EXPH5: variants seen among roughly 807,000 people sequenced by gnomAD.
EXPH5 encodes exophilin 5.
In EXPH5, 42 loss-of-function variants were observed where a neutral mutation model predicts 41.1. The ratio of observed to expected loss-of-function variants is 1.02; its 90% confidence interval spans 0.80 to 1.32. The LOEUF is 1.32. EXPH5 is among the 40% of genes most tolerant of loss of function. EXPH5 has a pLI of 0.00. For missense variants in EXPH5, 2,298 were observed against 2,314.5 expected, an observed-to-expected ratio of 0.99 and a Z score of 0.15; for synonymous variants, 798 against 833.5, an observed-to-expected ratio of 0.96 and a Z score of 0.73.
At chr11:108,551,540 C>G (rs180837338) in intron 1 of EXPH5, among the ~76,000 whole-genome samples, 4 of 152,146 alleles carry the variant, frequency 2.6e-5, no homozygotes, top group Non-Finnish European at 5.9e-5. Flanking sequence ...TTCTCCTTCA[C>G]TTTTCTTACT....
chr11:108,547,133 GACA>G, intron 1 of EXPH5, among the ~76,000 whole-genome samples: 1 of 151,992 alleles, frequency 6.6e-6, no homozygotes, highest in Non-Finnish European at 1.5e-5. Context: ...GCCTCTGCCA[GACA>G]CTAAAGTAGA....
At chr11:108,562,156 C>T (rs1390732630) in intron 1 of EXPH5, among the ~76,000 whole-genome samples, 1 of 151,744 alleles carries the variant, frequency 6.6e-6, no homozygotes, top group Admixed American at 6.6e-5. Context: ...CAGCCATAAG[C>T]AGCATGTAGG....
upstream of EXPH5, among the ~76,000 whole-genome samples, chr11:108,593,907 A>T (rs189009055): frequency 0.047 from 5,956 of 127,744 alleles, 119 homozygotes; most frequent in Middle Eastern, 0.062. Context: ...CCCGCCCCCT[A>T]TCTGAGTTGT....
chr11:108,527,453 T>A (rs574295011), intron 4 of EXPH5, among the ~76,000 whole-genome samples: 1 of 152,120 alleles, frequency 6.6e-6, no homozygotes, highest in Non-Finnish European at 1.5e-5. Context: ...AAGGCTTCGA[T>A]CCACTGATAA....
At position 108,593,735 on chromosome 11, in the gene EXPH5, T is replaced by C. The variant is rs1591766677; in HGVS notation, c.-199A>G. 7 of 1,536,974 alleles carry C rather than the reference T, an allele frequency of 4.6e-6. No individual in the cohort carries two copies. The highest frequency in any genetic ancestry group is 6.1e-6 in the Non-Finnish European group (7 of 1,147,074). ...ATATTGACAATACCTTAATGACATG[T>C]TTCTCTCAACCTGTCCAACCGAGAT... On this transcript the variant is annotated 5_prime_UTR_variant, in exon 1 of 6. Coordinates refer to ENST00000265843, the MANE Select transcript of EXPH5 (RefSeq NM_015065.3).
In EXPH5 at chr11:108,509,676, T is replaced by A. The variant is rs1272531597; in HGVS notation, c.5831A>T (p.Gln1944Leu). ...ESLSSNSPSS[Q>L]VPEDGLSPSE... ...TGGAGATAAGCCATCTTCTGGCACCTGACTACTGGGAGAATTTGAGCTTAA... is the reference window on the plus strand; with the variant it reads ...TGGAGATAAGCCATCTTCTGGCACCAGACTACTGGGAGAATTTGAGCTTAA... Residue 1944 changes from glutamine (Q) to leucine (L), a missense_variant, in exon 6 of 6, where the codon CAG becomes CTG. Transcript: ENST00000265843. 4 of 1,613,936 alleles carry A rather than the reference T, an allele frequency of 2.5e-6. No individual in the cohort carries two copies. The South Asian group carries it at 4.4e-5, about 18-fold the overall frequency.
At position 108,517,493 on chromosome 11, in the gene EXPH5, G is replaced by A. The variant is rs1296342859; in HGVS notation, c.631+742C>T. Among the ~76,000 whole-genome samples the A allele has an allele frequency of 4.6e-5, 7 of 152,330 alleles. No homozygotes were observed. In the South Asian group the frequency reaches 1.4e-3, roughly 32 times the overall value. On this transcript the variant is annotated intron_variant, in intron 5 of 5. Coordinates refer to ENST00000265843, the MANE Select transcript of EXPH5 (RefSeq NM_015065.3). The stretch of plus-strand genomic sequence containing the variant: ...AAATGAAGTTCCTCAAAGTGAAGCT[G>A]GTGGCGACTTCAGAGTTAACTTTTC...
Position 108,514,021 on chromosome 11 carries a change from T to C in EXPH5, c.1486A>G (p.Ser496Gly). Residue 496 changes from serine (S) to glycine (G), a missense_variant, in exon 6 of 6, where the codon AGC (serine) becomes GGC (glycine). Transcript: ENST00000265843. ...GHSFWSDFHR[S>G]RKSFSSSDRD... ...TCAGAAGAACTGAATGATTTCCTGC[T>C]TCGATGAAAGTCAGACCAGAAAGAA... The C allele has an allele frequency of 6.2e-7, 1 of 1,614,024 alleles. No individual in the cohort carries two copies. The highest frequency in any genetic ancestry group is 1.1e-5 in the South Asian group (1 of 91,032).
chr11:108,541,654 T>C lies in EXPH5; in HGVS notation c.278A>G (p.Asn93Ser). 1 of 1,593,396 alleles carries C rather than the reference T, an allele frequency of 6.3e-7. No individual in the cohort carries two copies. The highest frequency in any genetic ancestry group is 8.5e-7 in the Non-Finnish European group (1 of 1,170,234). Residue 93 changes from asparagine (N) to serine (S), a missense_variant and splice_region_variant, in exon 2 of 6, where the codon AAT (asparagine) becomes AGT (serine). By Grantham distance (46) the Asn-to-Ser change is conservative. Transcript: ENST00000265843. ...TYRLSKEMAK[N>S]DPIELPTSRS... ...TAAATCTAAAATCTTTTTCTTACCA[T>C]TTTTTGCCATCTCCTTACTTAGCCT...
upstream of EXPH5, among the ~76,000 whole-genome samples, chr11:108,595,105 G>C (rs1591767482): frequency 6.6e-6 from 1 of 152,182 alleles, no homozygotes; most frequent in East Asian, 1.9e-4. Context: ...TATGGTCACT[G>C]GTGGGATTTT....
chr11:108,537,020 C>T (rs1323324966), intron 3 of EXPH5, among the ~76,000 whole-genome samples: 1 of 152,102 alleles, frequency 6.6e-6, no homozygotes, highest in South Asian at 2.1e-4. Context: ...CCAGGGTGCT[C>T]GTAGGTAAGG....
intron 1 of EXPH5, among the ~76,000 whole-genome samples, chr11:108,559,509 C>T (rs1320888437): frequency 1.3e-5 from 2 of 152,142 alleles, no homozygotes; most frequent in Admixed American, 6.5e-5. Flanking sequence ...ATGATCTCAA[C>T]GTCTTGAATT....
chr11:108,605,617 G>A, the EXPH5 span, among the ~76,000 whole-genome samples: 10 of 152,264 alleles, frequency 6.6e-5, no homozygotes, highest in East Asian at 9.7e-4. Context: ...CAGTGCTGAG[G>A]CCAAGAAACT....
intron 1 of EXPH5, among the ~76,000 whole-genome samples, chr11:108,559,356 G>A (rs1465237624): frequency 1.3e-5 from 2 of 152,220 alleles, no homozygotes; most frequent in African/African-American, 4.8e-5. Context: ...TTAATGGCAA[G>A]TTGAGTGTCA....
At chr11:108,581,056 C>T (rs2094096458) in intron 1 of EXPH5, among the ~76,000 whole-genome samples, 1 of 152,110 alleles carries the variant, frequency 6.6e-6, no homozygotes, top group African/African-American at 2.4e-5. Context: ...CCTGTCATCC[C>T]AGCACTTTGG....
intron 1 of EXPH5, among the ~76,000 whole-genome samples, chr11:108,588,173 C>T (rs189839048): frequency 6.6e-6 from 1 of 152,330 alleles, no homozygotes; most frequent in African/African-American, 2.4e-5. Flanking sequence ...TTATAGAATG[C>T]ATATATGCAT....
intron 1 of EXPH5, among the ~76,000 whole-genome samples, chr11:108,570,402 A>C (rs1263092106): frequency 6.6e-6 from 1 of 151,994 alleles, no homozygotes; most frequent in East Asian, 1.9e-4. Flanking sequence ...TCACAGGCAC[A>C]TGCCACCATG....
chr11:108,557,590 C>T (rs561205680), intron 1 of EXPH5, among the ~76,000 whole-genome samples: 9 of 152,272 alleles, frequency 5.9e-5, no homozygotes, highest in African/African-American at 1.7e-4. Context: ...TCAAGTGATT[C>T]GTTCTCCTCA....
chr11:108,582,316 T>C (rs1406408343), intron 1 of EXPH5, among the ~76,000 whole-genome samples: 1 of 151,662 alleles, frequency 6.6e-6, no homozygotes, highest in Non-Finnish European at 1.5e-5. Context: ...TACAAAAAAG[T>C]TAGCTGGGCG....
Sources: allele counts gnomAD v4.1 joint callset (sites outside exome capture counted in the v4.1 genomes callset), GRCh38; gene constraint gnomAD v4.1.1; transcripts MANE v1.5; gene names NCBI Gene and HGNC (gene_info 2026-07-23, HGNC 2026-07-21).